The following WDFY3 variants were observed in gnomAD, a reference collection of about 807,000 sequenced individuals.
WDFY3 encodes the protein WD repeat and FYVE domain containing 3, also known as WD repeat and FYVE domain-containing protein 3.
WDFY3 carries 66 observed loss-of-function variants against 409.6 expected under a neutral mutation model. The observed-to-expected ratio is 0.16, with a 90% CI of 0.13 to 0.20. WDFY3 has a LOEUF of 0.20. WDFY3 is among the 10% of genes least tolerant of loss of function. WDFY3 has a pLI of 1.00. For synonymous variants in WDFY3, 1,521 were observed against 1,537.1 expected, an observed-to-expected ratio of 0.99 and a Z score of 0.25; for missense variants, 3,031 against 4,298.1, an observed-to-expected ratio of 0.71 and a Z score of 8.24.
At chr4:84,937,380 C>T (rs1771560659) in intron 1 of WDFY3, among the ~76,000 whole-genome samples, 1 of 152,162 alleles carries the variant, frequency 6.6e-6, no homozygotes, top group African/African-American at 2.4e-5. Flanking sequence ...CCTCTTCTCC[C>T]TGACCTTTAA....
intron 2 of WDFY3, among the ~76,000 whole-genome samples, chr4:84,910,884 A>AT (rs1234247769): frequency 0.083 from 11,346 of 136,382 alleles, 1,182 homozygotes; most frequent in African/African-American, 0.25. Context: ...TTTTTTCTGT[A>AT]TTTTTTTTTT....
intron 5 of WDFY3, among the ~76,000 whole-genome samples, chr4:84,844,776 GA>G (rs1221654037): frequency 6.6e-6 from 1 of 152,204 alleles, no homozygotes; most frequent in Non-Finnish European, 1.5e-5. Context: ...AGCAGAATTA[GA>G]ACTGGCTGAG....
chr4:84,829,138 C>T lies in WDFY3; in HGVS notation c.822G>A (p.Leu274=), dbSNP rs1410284094. The T allele has an allele frequency of 6.2e-7, 1 of 1,612,664 alleles. No homozygotes were observed. The highest frequency in any genetic ancestry group is 2.2e-5 in the East Asian group (1 of 44,846). The change falls in exon 9 of 68, where the codon CTG becomes CTA. Residue 274 remains leucine (L), a synonymous_variant. Transcript: ENST00000295888. The stretch of plus-strand genomic sequence containing the variant: ...ACATTTCGACAATTTCTAGGGGAGA[C>T]AGGTCATCTGATTGCTGCATATTCT... ...CVQNMQQSDD[L]SPLEIVEMFA...
At chr4:84,895,584 C>T (rs537214131) in intron 3 of WDFY3, among the ~76,000 whole-genome samples, 6 of 152,140 alleles carry the variant, frequency 3.9e-5, no homozygotes, top group African/African-American at 1.4e-4. Flanking sequence ...CAGGAAGAGC[C>T]TAAAAGGCCT....
intron 5 of WDFY3, among the ~76,000 whole-genome samples, chr4:84,848,272 T>G (rs1362765514): frequency 6.7e-6 from 1 of 148,508 alleles, no homozygotes; most frequent in Non-Finnish European, 1.5e-5. Flanking sequence ...AAAAAATAGG[T>G]CACAGAGGAA....
chr4:84,907,228 C>T (rs1339558387), intron 2 of WDFY3, among the ~76,000 whole-genome samples: 1 of 152,098 alleles, frequency 6.6e-6, no homozygotes, highest in Admixed American at 6.6e-5. Flanking sequence ...AAGGTAGAGT[C>T]TAATTAATCC....
intron 62 of WDFY3, chr4:84,687,826 A>G (rs569635013): frequency 1.8e-5 from 6 of 328,082 alleles, no homozygotes; most frequent in Non-Finnish European, 3.4e-5. Context: ...TCCATTTCCA[A>G]CCTGAGTTGG....
At chr4:84,886,094 T>C (rs1000852554) in intron 3 of WDFY3, among the ~76,000 whole-genome samples, 9 of 152,216 alleles carry the variant, frequency 5.9e-5, no homozygotes, top group Admixed American at 1.3e-4. Context: ...ATGTAACTTT[T>C]GGAAATTAAA....
chr4:84,700,749 G>C (rs933495427), intron 56 of WDFY3, among the ~76,000 whole-genome samples: 2 of 152,214 alleles, frequency 1.3e-5, no homozygotes, highest in African/African-American at 2.4e-5. Context: ...CTCTTTGACA[G>C]TGGTATCCCT....
chr4:84,903,823 G>A (rs574141505), intron 2 of WDFY3, among the ~76,000 whole-genome samples: 4 of 152,090 alleles, frequency 2.6e-5, no homozygotes, highest in East Asian at 1.9e-4. Flanking sequence ...AAGACACTAC[G>A]CTATACACAT....
In WDFY3 at chr4:84,966,561, C is replaced by T. The variant is rs1159622155; in HGVS notation, c.-578G>A. On this transcript the variant is annotated 5_prime_UTR_variant, in exon 1 of 68. Transcript: ENST00000295888. ...TCGGCGCTCCTCGGGTTTCTTCTCTCCATCAAGGCCGGGCCGACCCGCAGG... is the reference window on the plus strand; with the variant it reads ...TCGGCGCTCCTCGGGTTTCTTCTCTTCATCAAGGCCGGGCCGACCCGCAGG... 6.6e-6 allele frequency among the ~76,000 whole-genome samples: 1 copy of T among 152,030 alleles called. No individual in the cohort carries two copies. Among genetic ancestry groups the T allele is most frequent in the Non-Finnish European group, 1.5e-5 (1 of 68,004 alleles).
At chr4:84,728,937 T>G (rs987824949) in intron 44 of WDFY3, among the ~76,000 whole-genome samples, 1 of 152,164 alleles carries the variant, frequency 6.6e-6, no homozygotes, top group African/African-American at 2.4e-5. Context: ...TTACTTCAAA[T>G]TTTTCTATAA....
chr4:84,849,785 T>G, intron 5 of WDFY3, 117 bp downstream of exon 5: 2 of 1,395,676 alleles, frequency 1.4e-6, no homozygotes, highest in Non-Finnish European at 1.9e-6. Flanking sequence ...AGGGAATGGG[T>G]AAATGAACTC....
chr4:84,839,497 A>G (rs1011955280), intron 6 of WDFY3, among the ~76,000 whole-genome samples: 4 of 151,756 alleles, frequency 2.6e-5, no homozygotes, highest in African/African-American at 9.7e-5. Flanking sequence ...AGGCCTTCCT[A>G]TCCTAAAACC....
chr4:84,951,730 T>C (rs1773636105), intron 1 of WDFY3, among the ~76,000 whole-genome samples: 2 of 152,226 alleles, frequency 1.3e-5, no homozygotes, highest in South Asian at 2.1e-4. Context: ...TCCATTAAAA[T>C]AGTGCTTGCC....
chr4:84,740,325 G>A lies in WDFY3; in HGVS notation c.6326C>T (p.Thr2109Ile), dbSNP rs773964756. ...ILYQFSRAHKTVPQQVALLDS... is the reference protein window; with the variant it reads ...ILYQFSRAHKIVPQQVALLDS... The stretch of plus-strand genomic sequence containing the variant: ...AAGCAGAGCTACTTGCTGAGGAACG[G>A]TTTTGTGTGCCCGTGAGAACTGGTA... The change falls in exon 39 of 68, where the codon ACC (threonine) becomes ATC (isoleucine). Residue 2109 changes from threonine (T) to isoleucine (I), a missense_variant. Thr to Ile is a moderately conservative substitution (Grantham distance 89). This residue lies in a region of WDFY3 where 314 missense variants were observed against 397.4 expected (regional missense o/e 0.79). Transcript: ENST00000295888. 2.5e-6 allele frequency: 4 copies of A among 1,614,094 alleles called. No homozygotes were observed. In the East Asian group the frequency reaches 8.9e-5, roughly 36 times the overall value.
At chr4:84,790,996 G>C (rs1225702637) in intron 21 of WDFY3, among the ~76,000 whole-genome samples, 2 of 152,162 alleles carry the variant, frequency 1.3e-5, no homozygotes, top group East Asian at 1.9e-4. Flanking sequence ...TGGAACCCTT[G>C]CGCACTGTTG....
At chr4:84,799,429 C>G in intron 17 of WDFY3, among the ~76,000 whole-genome samples, 1 of 151,670 alleles carries the variant, frequency 6.6e-6, no homozygotes, top group Non-Finnish European at 1.5e-5. Context: ...GCGTTGGCCT[C>G]CCAAAGTGTT....
intron 38 of WDFY3, among the ~76,000 whole-genome samples, 179 bp from the exon 39 acceptor site, chr4:84,740,595 T>C (rs887236570): frequency 3.9e-5 from 6 of 151,902 alleles, no homozygotes; most frequent in Non-Finnish European, 8.8e-5. Flanking sequence ...ATGAGACACA[T>C]CAATATCATC....
Sources: allele counts gnomAD v4.1 joint callset (sites outside exome capture counted in the v4.1 genomes callset), GRCh38; gene constraint gnomAD v4.1.1; regional missense constraint gnomAD v4.1.1; transcripts MANE v1.5; gene names NCBI Gene and HGNC (gene_info 2026-07-23, HGNC 2026-07-21).